The following MSRB3 variants were observed in gnomAD, a reference collection of about 807,000 sequenced individuals.
MSRB3 encodes the protein methionine-R-sulfoxide reductase B3.
MSRB3 carries 13 observed loss-of-function variants against 21.0 expected under a neutral mutation model. The observed-to-expected ratio is 0.62, with a 90% CI of 0.40 to 0.98. The LOEUF is 0.98. Among genes scored for constraint, MSRB3 ranks in the 50% least tolerant of loss-of-function variants. The probability of loss-of-function intolerance (pLI) is 0.00; values close to 1 mark genes in which losing one functional copy is unlikely to be tolerated. For missense variants in MSRB3, 199 were observed against 230.3 expected (o/e 0.86, Z 0.88); for synonymous variants, 87 against 88.6 (o/e 0.98, Z 0.10).
chr12:65,438,976 C>T (rs1025709858), intron 5 of MSRB3, among the ~76,000 whole-genome samples: 4 of 151,714 alleles, frequency 2.6e-5, no homozygotes, highest in Non-Finnish European at 5.9e-5. Context: ...CTTGTTAAGT[C>T]AAATATGAAT....
intron 5 of MSRB3, among the ~76,000 whole-genome samples, chr12:65,393,700 G>T (rs1879618139): frequency 6.8e-6 from 1 of 146,942 alleles, no homozygotes; most frequent in Non-Finnish European, 1.5e-5. Flanking sequence ...TTCTTGTTTT[G>T]TGTATATATA....
At chr12:65,348,399 G>A (rs55878504) in intron 4 of MSRB3, among the ~76,000 whole-genome samples, 6,273 of 152,146 alleles carry the variant, frequency 0.041, 430 homozygotes, top group African/African-American at 0.14. Flanking sequence ...TTCTCTGATG[G>A]TAGTTTGTAT....
In MSRB3 at chr12:65,424,677, G is replaced by A. The variant is rs147411624; in HGVS notation, c.293-29051G>A. Among the ~76,000 whole-genome samples, 1,334 of 152,016 alleles carry A rather than the reference G, an allele frequency of 8.8e-3. 22 individuals are homozygous for A. Among genetic ancestry groups the A allele is most frequent in the African/African-American group, 0.03 (1,258 of 41,474 alleles). On this transcript the variant is annotated intron_variant, in intron 5 of 6. Coordinates refer to ENST00000308259, the MANE Select transcript of MSRB3 (RefSeq NM_001031679.3). ...ATTATAGTGGTTGGAAAAGATGCCT[G>A]ATACAATTTCAGTTTTCTTAAATTT... is the stretch of plus-strand genomic sequence containing the variant.
chr12:65,427,261 G>A (rs1881646265), intron 5 of MSRB3, among the ~76,000 whole-genome samples: 1 of 152,162 alleles, frequency 6.6e-6, no homozygotes, highest in Non-Finnish European at 1.5e-5. Context: ...TCTAGCACCA[G>A]TGAAGGTGCA....
chr12:65,321,451 T>C (rs946745987), intron 2 of MSRB3, among the ~76,000 whole-genome samples: 2 of 152,150 alleles, frequency 1.3e-5, no homozygotes, highest in African/African-American at 2.4e-5. Context: ...AGCTCTAGTT[T>C]TGTGGAAACC....
intron 5 of MSRB3, among the ~76,000 whole-genome samples, chr12:65,428,324 T>C (rs1881706071): frequency 6.6e-6 from 1 of 152,002 alleles, no homozygotes; most frequent in African/African-American, 2.4e-5. Context: ...TTTTTTTTGC[T>C]CCACTGTATT....
At chr12:65,434,353 T>C (rs1189398291) in intron 5 of MSRB3, among the ~76,000 whole-genome samples, 1 of 151,908 alleles carries the variant, frequency 6.6e-6, no homozygotes, top group African/African-American at 2.4e-5. Flanking sequence ...TTCTAGAATA[T>C]CCTTTAGATC....
intron 5 of MSRB3, among the ~76,000 whole-genome samples, chr12:65,453,274 A>G (rs1882938633): frequency 6.6e-6 from 1 of 152,184 alleles, no homozygotes; most frequent in Admixed American, 6.5e-5. Context: ...TATCCAAACT[A>G]GGTACTGAAA....
intron 5 of MSRB3, among the ~76,000 whole-genome samples, chr12:65,392,860 C>A (rs542012813): frequency 6.6e-6 from 1 of 152,280 alleles, no homozygotes; most frequent in South Asian, 2.1e-4. Flanking sequence ...AGAAAGAGTT[C>A]TATTATTCAG....
chr12:65,451,237 G>A (rs953004159), intron 5 of MSRB3, among the ~76,000 whole-genome samples: 1 of 152,064 alleles, frequency 6.6e-6, no homozygotes, highest in African/African-American at 2.4e-5. Flanking sequence ...GTGAGTTTTG[G>A]GGAGTTTTGA....
intron 5 of MSRB3, among the ~76,000 whole-genome samples, chr12:65,378,427 C>G (rs1878754177): frequency 6.6e-6 from 1 of 152,180 alleles, no homozygotes; most frequent in Non-Finnish European, 1.5e-5. Context: ...TGTTGGCTGG[C>G]ACATGCTAGT....
intron 5 of MSRB3, among the ~76,000 whole-genome samples, chr12:65,447,776 CTG>C (rs1882686775): frequency 6.6e-6 from 1 of 152,154 alleles, no homozygotes; most frequent in African/African-American, 2.4e-5. Context: ...AAGGTAGTAT[CTG>C]TGAAACCTGG....
chr12:65,349,867 C>T (rs192179653), intron 4 of MSRB3, among the ~76,000 whole-genome samples: 2,443 of 152,006 alleles, frequency 0.016, 27 homozygotes, highest in Non-Finnish European at 0.021. Flanking sequence ...GTTGACTGTT[C>T]ACTCTGATGG....
intron 3 of MSRB3, among the ~76,000 whole-genome samples, chr12:65,327,448 A>C (rs1457294836): frequency 6.6e-6 from 1 of 152,236 alleles, no homozygotes; most frequent in African/African-American, 2.4e-5. Flanking sequence ...AAAAATTTTC[A>C]ATAACTGCCC....
chr12:65,339,968 G>A (rs1036747432), intron 4 of MSRB3, among the ~76,000 whole-genome samples: 2 of 152,174 alleles, frequency 1.3e-5, no homozygotes, highest in Non-Finnish European at 2.9e-5. Context: ...AATTTTTCAT[G>A]CACAAAGCCT....
intron 2 of MSRB3, among the ~76,000 whole-genome samples, chr12:65,313,383 A>G (rs745311164): frequency 1.3e-5 from 2 of 152,164 alleles, no homozygotes; most frequent in Non-Finnish European, 2.9e-5. Context: ...CACTTACTGA[A>G]TGCATTGACT....
intron 5 of MSRB3, among the ~76,000 whole-genome samples, chr12:65,405,038 C>T (rs890986701): frequency 2.6e-5 from 4 of 151,896 alleles, no homozygotes; most frequent in African/African-American, 9.7e-5. Context: ...TCACTGAAAG[C>T]CTCCTGGGTT....
At chr12:65,416,674 G>A (rs1467952629) in intron 5 of MSRB3, among the ~76,000 whole-genome samples, 1 of 152,190 alleles carries the variant, frequency 6.6e-6, no homozygotes, top group Non-Finnish European at 1.5e-5. Flanking sequence ...ATTGCACTAA[G>A]ACGTTACAAT....
chr12:65,338,598 A>G (rs1451437483), intron 4 of MSRB3, among the ~76,000 whole-genome samples: 3 of 152,246 alleles, frequency 2.0e-5, no homozygotes, highest in Non-Finnish European at 2.9e-5. Flanking sequence ...CCAAAGCTAC[A>G]TTAGAAGAAA....
Sources: allele counts gnomAD v4.1 joint callset (sites outside exome capture counted in the v4.1 genomes callset), GRCh38; gene constraint gnomAD v4.1.1; transcripts MANE v1.5; gene names NCBI Gene and HGNC (gene_info 2026-07-23, HGNC 2026-07-21).